Variants in LRP1B observed in about 807,000 individuals in gnomAD.
LRP1B encodes low-density lipoprotein receptor-related protein 1B.
In LRP1B, 217 loss-of-function variants were observed where a neutral mutation model predicts 556.6. The observed-to-expected ratio is 0.39, with a 90% CI of 0.35 to 0.44. The LOEUF (loss-of-function observed/expected upper bound fraction) is 0.44. LRP1B is among the 20% of genes least tolerant of loss of function. The pLI, the probability that LRP1B is intolerant of heterozygous loss-of-function variation, is 1.00. For synonymous variants in LRP1B, 2,047 were observed against 1,865.8 expected (o/e 1.10, Z -2.50); for missense variants, 5,053 against 5,620.8 (o/e 0.90, Z 3.23).
intron 41 of LRP1B, chr2:140,683,751 C>T: frequency 1.0e-6 from 1 of 958,874 alleles, no homozygotes; most frequent in Non-Finnish European, 1.6e-6. Flanking sequence ...CCATAGCCTT[C>T]TCAGTCTCTC....
intron 2 of LRP1B, among the ~76,000 whole-genome samples, chr2:141,628,046 T>G (rs1688764922): frequency 6.6e-6 from 1 of 152,176 alleles, no homozygotes; most frequent in African/African-American, 2.4e-5. Context: ...TCAAAGATAA[T>G]CCACAGTTAG....
chr2:141,210,890 TA>T (rs1185978258), intron 6 of LRP1B, among the ~76,000 whole-genome samples: 2 of 152,162 alleles, frequency 1.3e-5, no homozygotes, highest in Admixed American at 1.3e-4. Context: ...TAAATGACAA[TA>T]AAAAATAGGA....
chr2:141,898,674 G>A (rs1339516707), intron 1 of LRP1B, among the ~76,000 whole-genome samples: 1 of 152,074 alleles, frequency 6.6e-6, no homozygotes, highest in Non-Finnish European at 1.5e-5. Flanking sequence ...GCATCTAAGG[G>A]CAATGAGAAA....
intron 25 of LRP1B, among the ~76,000 whole-genome samples, chr2:140,878,845 A>G (rs909552513): frequency 2.2e-4 from 33 of 152,052 alleles, no homozygotes; most frequent in African/African-American, 7.7e-4. Context: ...TGTCTCTACT[A>G]AAAATAGAAA....
chr2:141,346,123 C>T (rs1318891271), intron 3 of LRP1B, among the ~76,000 whole-genome samples: 3 of 151,664 alleles, frequency 2.0e-5, no homozygotes, highest in Non-Finnish European at 2.9e-5. Context: ...CACCAATTGT[C>T]TTTTTCTTCC....
intron 2 of LRP1B, among the ~76,000 whole-genome samples, chr2:141,531,917 T>C (rs1267121581): frequency 6.6e-6 from 1 of 152,152 alleles, no homozygotes; most frequent in African/African-American, 2.4e-5. Flanking sequence ...ATTTCTTCTG[T>C]TGAAAATTGG....
intron 51 of LRP1B, among the ~76,000 whole-genome samples, chr2:140,513,858 TG>T (rs750215723): frequency 6.6e-6 from 1 of 151,960 alleles, no homozygotes; most frequent in Non-Finnish European, 1.5e-5. Flanking sequence ...GCTGATGTAA[TG>T]AGTAAAGAAT....
chr2:141,118,310 T>A (rs1469442909), intron 7 of LRP1B, among the ~76,000 whole-genome samples: 1 of 151,922 alleles, frequency 6.6e-6, no homozygotes, highest in Non-Finnish European at 1.5e-5. Context: ...CACATCTTAT[T>A]ACAAAACTTT....
At chr2:141,547,680 T>A (rs1559133851) in intron 2 of LRP1B, among the ~76,000 whole-genome samples, 1 of 152,198 alleles carries the variant, frequency 6.6e-6, no homozygotes. Context: ...GCAGCAGGCA[T>A]GCTTTTTCTC....
chr2:140,447,445 G>T (rs763040805), intron 63 of LRP1B, among the ~76,000 whole-genome samples: 3 of 151,572 alleles, frequency 2.0e-5, no homozygotes, highest in Non-Finnish European at 2.9e-5. Flanking sequence ...ACACTATACT[G>T]TAGTCTATTA....
intron 2 of LRP1B, among the ~76,000 whole-genome samples, chr2:141,619,601 C>T (rs1688431544): frequency 6.6e-6 from 1 of 152,148 alleles, no homozygotes; most frequent in Non-Finnish European, 1.5e-5. Context: ...ATATAATAAT[C>T]AACCACATAT....
At chr2:140,678,678 G>A (rs1180156561) in intron 41 of LRP1B, among the ~76,000 whole-genome samples, 8 of 151,790 alleles carry the variant, frequency 5.3e-5, no homozygotes, top group South Asian at 2.1e-4. Flanking sequence ...GGTTGCTTAC[G>A]CAACAAAAAT....
chr2:140,286,764 T>C (rs1683167826), intron 84 of LRP1B, among the ~76,000 whole-genome samples: 1 of 151,862 alleles, frequency 6.6e-6, no homozygotes, highest in African/African-American at 2.4e-5. Context: ...ATCTAAATTA[T>C]ATACCTAAAT....
At position 140,509,151 on chromosome 2, in the gene LRP1B, G is replaced by A. The variant is rs541117717; in HGVS notation, c.8398+777C>T. On this transcript the variant is annotated intron_variant, in intron 52 of 90. Coordinates refer to ENST00000389484, the MANE Select transcript of LRP1B (RefSeq NM_018557.3). ...GCTTCAAATACAATGCTTTAAAGAT[G>A]TGAAGGCAGGCCATTGGAGAGATGA... 6.0e-5 allele frequency among the ~76,000 whole-genome samples: 9 copies of A among 151,252 alleles called. No individual in the cohort carries two copies. In the East Asian group the frequency reaches 1.6e-3, roughly 26 times the overall value.
chr2:140,583,029 G>A (rs1202946306), intron 43 of LRP1B, among the ~76,000 whole-genome samples: 1 of 152,076 alleles, frequency 6.6e-6, no homozygotes, highest in African/African-American at 2.4e-5. Flanking sequence ...GAATTATCAT[G>A]TTAGCAGAAT....
chr2:140,363,644 C>G (rs551749501), intron 72 of LRP1B, among the ~76,000 whole-genome samples: 1 of 151,368 alleles, frequency 6.6e-6, no homozygotes, highest in Non-Finnish European at 1.5e-5. Context: ...CATTACTCAT[C>G]ATAATGAGTT....
At chr2:141,302,331 A>G (rs1686427172) in intron 3 of LRP1B, among the ~76,000 whole-genome samples, 1 of 152,132 alleles carries the variant, frequency 6.6e-6, no homozygotes, top group Non-Finnish European at 1.5e-5. Context: ...AAGCCAGTAC[A>G]TTATGCTAAA....
intron 1 of LRP1B, among the ~76,000 whole-genome samples, chr2:141,877,942 C>T (rs917996892): frequency 6.6e-6 from 1 of 151,900 alleles, no homozygotes; most frequent in Admixed American, 6.6e-5. Flanking sequence ...TTTAGAGACA[C>T]TTTTAACTAA....
At chr2:141,336,539 T>TA (rs1332060750) in intron 3 of LRP1B, among the ~76,000 whole-genome samples, 3 of 152,188 alleles carry the variant, frequency 2.0e-5, no homozygotes, top group Non-Finnish European at 4.4e-5. Flanking sequence ...TTTTAACTGT[T>TA]ATAGTTTAAT....
Sources: allele counts gnomAD v4.1 joint callset (sites outside exome capture counted in the v4.1 genomes callset), GRCh38; gene constraint gnomAD v4.1.1; transcripts MANE v1.5; gene names NCBI Gene and HGNC (gene_info 2026-07-23, HGNC 2026-07-21).